Variants in KCNJ3 observed in about 807,000 individuals in gnomAD.
KCNJ3 encodes the protein potassium inwardly rectifying channel subfamily J member 3.
KCNJ3 carries 4 observed loss-of-function variants against 39.2 expected under a neutral mutation model. The observed-to-expected ratio is 0.10, with a 90% CI of 0.05 to 0.23. The LOEUF is 0.23. Ranked by LOEUF, KCNJ3 falls within the 10% of genes least tolerant of loss-of-function variation. KCNJ3 has a pLI of 1.00. For synonymous variants in KCNJ3, 230 were observed against 237.4 expected, an observed-to-expected ratio of 0.97 and a Z score of 0.29; for missense variants, 276 against 634.9, an observed-to-expected ratio of 0.43 and a Z score of 6.08.
intron 2 of KCNJ3, among the ~76,000 whole-genome samples, chr2:154,721,915 G>A (rs964352876): frequency 2.0e-5 from 3 of 151,996 alleles, no homozygotes; most frequent in African/African-American, 7.2e-5. Context: ...TACCAATAAT[G>A]TTTCAGTTAT....
chr2:154,834,870 T>C (rs77929576), intron 2 of KCNJ3, among the ~76,000 whole-genome samples: 3 of 151,894 alleles, frequency 2.0e-5, no homozygotes, highest in Non-Finnish European at 4.4e-5. Flanking sequence ...TACTTAATAA[T>C]AACTTCTCAT....
intron 2 of KCNJ3, among the ~76,000 whole-genome samples, chr2:154,752,463 A>G (rs1444522226): frequency 6.6e-6 from 1 of 152,044 alleles, no homozygotes; most frequent in Non-Finnish European, 1.5e-5. Flanking sequence ...GATGAAATTG[A>G]GAGATATATG....
At chr2:154,764,038 A>G (rs2105190880) in intron 2 of KCNJ3, among the ~76,000 whole-genome samples, 1 of 152,316 alleles carries the variant, frequency 6.6e-6, no homozygotes, top group East Asian at 1.9e-4. Context: ...ATCACACCTG[A>G]AATATACAGA....
At chr2:154,759,968 A>G (rs1040699596) in intron 2 of KCNJ3, among the ~76,000 whole-genome samples, 1 of 152,116 alleles carries the variant, frequency 6.6e-6, no homozygotes, top group African/African-American at 2.4e-5. Context: ...TAGATAAGAC[A>G]AGGTTTTACA....
At chr2:154,769,973 C>G (rs1344241643) in intron 2 of KCNJ3, among the ~76,000 whole-genome samples, 2 of 152,066 alleles carry the variant, frequency 1.3e-5, no homozygotes, top group Non-Finnish European at 2.9e-5. Flanking sequence ...GTAAAAAATT[C>G]AAGCCTTTTA....
At chr2:154,763,172 G>A (rs1209699435) in intron 2 of KCNJ3, among the ~76,000 whole-genome samples, 1 of 152,162 alleles carries the variant, frequency 6.6e-6, no homozygotes, top group Non-Finnish European at 1.5e-5. Flanking sequence ...ATATCTTAGA[G>A]TGCACCTTTT....
At chr2:154,847,763 G>A (rs550265715) in intron 2 of KCNJ3, among the ~76,000 whole-genome samples, 95 of 152,292 alleles carry the variant, frequency 6.2e-4, no homozygotes, top group African/African-American at 2.0e-3. Context: ...GGGCCTTAAT[G>A]TACAGATAAT....
At chr2:154,736,972 G>C (rs78014037) in intron 2 of KCNJ3, among the ~76,000 whole-genome samples, 5,789 of 152,246 alleles carry the variant, frequency 0.038, 180 homozygotes, top group Non-Finnish European at 0.052. Context: ...ATAGTGGCTA[G>C]AGTTTACAGG....
chr2:154,701,299 T>C (rs957768071), intron 1 of KCNJ3, among the ~76,000 whole-genome samples: 4 of 152,160 alleles, frequency 2.6e-5, no homozygotes, highest in Non-Finnish European at 5.9e-5. Context: ...ACTGATGTAA[T>C]GGAAATTGAC....
intron 2 of KCNJ3, among the ~76,000 whole-genome samples, chr2:154,741,660 T>G (rs945380208): frequency 1.3e-5 from 2 of 151,866 alleles, no homozygotes; most frequent in South Asian, 2.1e-4. Flanking sequence ...AAACAGAATT[T>G]AGAAGATTGA....
intron 2 of KCNJ3, among the ~76,000 whole-genome samples, chr2:154,751,135 A>C (rs1465442997): frequency 1.3e-5 from 2 of 151,968 alleles, no homozygotes; most frequent in African/African-American, 4.8e-5. Flanking sequence ...CTATTCCCCA[A>C]AAACCTATGG....
chr2:154,826,400 A>G (rs1267851480), intron 2 of KCNJ3, among the ~76,000 whole-genome samples: 3 of 152,218 alleles, frequency 2.0e-5, no homozygotes, highest in Non-Finnish European at 2.9e-5. Context: ...AGAATTTCAG[A>G]CCCTTATGTT....
At chr2:154,756,382 G>A (rs575561105) in intron 2 of KCNJ3, among the ~76,000 whole-genome samples, 6 of 152,130 alleles carry the variant, frequency 3.9e-5, no homozygotes, top group South Asian at 2.1e-4. Flanking sequence ...TGTGACTCAT[G>A]TTTGGTAATT....
intron 2 of KCNJ3, among the ~76,000 whole-genome samples, chr2:154,757,090 A>T (rs182263331): frequency 2.0e-5 from 3 of 152,222 alleles, no homozygotes; most frequent in African/African-American, 7.2e-5. Flanking sequence ...ATATATATAT[A>T]TTTTCCACAG....
rs1372974155 is a variant in KCNJ3 at position 154,724,085 on chromosome 2, C to T, written c.919+14266C>T. ...AATTCTTTAATAAAGAAAAGAATGA[C>T]TCTGTGAAGAAAAAACAAAATATCA... On this transcript the variant is annotated intron_variant, in intron 2 of 2. Transcript: ENST00000295101. 2.6e-5 allele frequency among the ~76,000 whole-genome samples: 4 copies of T among 152,156 alleles called. No homozygotes were observed. The East Asian group carries it at 7.7e-4, about 29-fold the overall frequency.
chr2:154,765,610 A>G (rs1330441254), intron 2 of KCNJ3, among the ~76,000 whole-genome samples: 3 of 152,160 alleles, frequency 2.0e-5, no homozygotes, highest in Non-Finnish European at 2.9e-5. Context: ...ACTAGCGAAT[A>G]TTTGCAGTTA....
chr2:154,750,721 T>C (rs1685826498), intron 2 of KCNJ3, among the ~76,000 whole-genome samples: 1 of 152,026 alleles, frequency 6.6e-6, no homozygotes, highest in South Asian at 2.1e-4. Flanking sequence ...TGTGGATTTG[T>C]GATTAACCAG....
chr2:154,833,305 T>C (rs963039709), intron 2 of KCNJ3, among the ~76,000 whole-genome samples: 1 of 152,262 alleles, frequency 6.6e-6, no homozygotes, highest in Admixed American at 6.5e-5. Flanking sequence ...AAGCAAGTTA[T>C]GTAACCTCTC....
At chr2:154,835,977 G>A (rs946521029) in intron 2 of KCNJ3, among the ~76,000 whole-genome samples, 2 of 152,042 alleles carry the variant, frequency 1.3e-5, no homozygotes, top group African/African-American at 2.4e-5. Flanking sequence ...TTGGGAGGCC[G>A]AGGCAGGTTG....
Sources: allele counts gnomAD v4.1 joint callset (sites outside exome capture counted in the v4.1 genomes callset), GRCh38; gene constraint gnomAD v4.1.1; transcripts MANE v1.5; gene names NCBI Gene and HGNC (gene_info 2026-07-23, HGNC 2026-07-21).